TTC28: variants seen among roughly 807,000 people sequenced by gnomAD.
TTC28 encodes the protein tetratricopeptide repeat domain 28, also known as tetratricopeptide repeat protein 28.
In TTC28, 61 loss-of-function variants were observed where a neutral mutation model predicts 198.0. That is an observed-to-expected ratio of 0.31 (90% CI 0.25 to 0.38). The LOEUF is 0.38. Ranked by LOEUF, TTC28 falls within the 10% of genes least tolerant of loss-of-function variation. TTC28 has a pLI of 1.00. For synonymous variants in TTC28, 1,171 were observed against 1,297.8 expected (o/e 0.90, Z 2.10); for missense variants, 2,678 against 3,164.0 (o/e 0.85, Z 3.69).
At chr22:28,384,690 T>C (rs762580983) in intron 2 of TTC28, among the ~76,000 whole-genome samples, 1 of 152,156 alleles carries the variant, frequency 6.6e-6, no homozygotes, top group Non-Finnish European at 1.5e-5. Context: ...TTCTTTCAAG[T>C]CTATAACTAA....
In TTC28 at chr22:28,598,816, T is replaced by C. The variant is rs189636537; in HGVS notation, c.381+30736A>G. 1.7e-3 allele frequency among the ~76,000 whole-genome samples: 262 copies of C among 152,240 alleles called. 2 individuals are homozygous for C. Among genetic ancestry groups the C allele is most frequent in the African/African-American group, 6.1e-3 (255 of 41,558 alleles). On this transcript the variant is annotated intron_variant, in intron 2 of 22. Transcript: ENST00000397906. ...AAAATATAAATCTACACACTACATA[T>C]AACAAGAATGACAAGGGAGTACACT...
At chr22:28,016,392 G>A (rs996493324) in intron 13 of TTC28, among the ~76,000 whole-genome samples, 5 of 152,216 alleles carry the variant, frequency 3.3e-5, no homozygotes, top group East Asian at 1.9e-4. Flanking sequence ...TGTCTGTCAC[G>A]GCACTGTTGG....
chr22:27,991,607 T>C (rs1035813072), intron 19 of TTC28, among the ~76,000 whole-genome samples: 1 of 152,182 alleles, frequency 6.6e-6, no homozygotes, highest in Non-Finnish European at 1.5e-5. Flanking sequence ...CTGGCAAATA[T>C]CTCTAATAAC....
intron 10 of TTC28, among the ~76,000 whole-genome samples, chr22:28,098,619 C>T (rs950950762): frequency 2.0e-5 from 3 of 151,890 alleles, no homozygotes; most frequent in Non-Finnish European, 4.4e-5. Flanking sequence ...CCAATCAGCA[C>T]TGTACTGGAC....
intron 14 of TTC28, among the ~76,000 whole-genome samples, chr22:28,012,361 G>A (rs1450483321): frequency 6.6e-6 from 1 of 152,202 alleles, no homozygotes; most frequent in Non-Finnish European, 1.5e-5. Context: ...GTGCATGCAA[G>A]GATGTGATCG....
At chr22:28,243,448 T>A (rs1929839163) in intron 5 of TTC28, among the ~76,000 whole-genome samples, 1 of 151,426 alleles carries the variant, frequency 6.6e-6, no homozygotes, top group Non-Finnish European at 1.5e-5. Context: ...TTTCTGTGTG[T>A]TTTTATTTGT....
chr22:28,653,279 G>A (rs1052329974), intron 1 of TTC28, among the ~76,000 whole-genome samples: 3 of 152,166 alleles, frequency 2.0e-5, no homozygotes, highest in Non-Finnish European at 4.4e-5. Context: ...CAAGGCAGGT[G>A]GATCACTTGA....
rs576734458 is a variant in TTC28 at position 28,328,512 on chromosome 22, G to A, written c.382-21869C>T. 2.6e-5 allele frequency among the ~76,000 whole-genome samples: 4 copies of A among 152,068 alleles called. No homozygotes were observed. The East Asian group carries it at 7.7e-4, about 29-fold the overall frequency. On this transcript the variant is annotated intron_variant, in intron 2 of 22. Coordinates refer to ENST00000397906, the MANE Select transcript of TTC28 (RefSeq NM_001145418.2). ...CTCACGTCTGTAATCCTAGCACTCTGGGAGGCCGAGGCGGGTGGATCACCC... is the reference window on the plus strand; with the variant it reads ...CTCACGTCTGTAATCCTAGCACTCTAGGAGGCCGAGGCGGGTGGATCACCC...
intron 5 of TTC28, among the ~76,000 whole-genome samples, chr22:28,282,887 C>T (rs2044611599): frequency 6.6e-6 from 1 of 152,192 alleles, no homozygotes; most frequent in Admixed American, 6.5e-5. Context: ...GATTTGCAAA[C>T]ATTATCATAC....
At chr22:28,114,014 G>A (rs1426387317) in intron 6 of TTC28, among the ~76,000 whole-genome samples, 1 of 152,226 alleles carries the variant, frequency 6.6e-6, no homozygotes, top group Non-Finnish European at 1.5e-5. Flanking sequence ...AGCCTCTGTA[G>A]CTGCACCAGC....
intron 6 of TTC28, among the ~76,000 whole-genome samples, chr22:28,114,371 A>G (rs1037161492): frequency 3.3e-5 from 5 of 152,296 alleles, no homozygotes; most frequent in Admixed American, 6.5e-5. Context: ...TGTACTTAAA[A>G]TATTGCAAAG....
intron 2 of TTC28, among the ~76,000 whole-genome samples, chr22:28,533,132 T>C (rs902173856): frequency 2.0e-5 from 3 of 152,174 alleles, no homozygotes; most frequent in Non-Finnish European, 2.9e-5. Context: ...TGTTTGTAGA[T>C]GACATGGTTG....
chr22:28,143,201 A>AG (rs1347939854), intron 6 of TTC28, among the ~76,000 whole-genome samples: 1 of 152,210 alleles, frequency 6.6e-6, no homozygotes, highest in Non-Finnish European at 1.5e-5. Flanking sequence ...AGAGCATGGT[A>AG]GGGGCTCAAA....
chr22:28,239,970 A>G (rs1408783885), intron 5 of TTC28, among the ~76,000 whole-genome samples: 1 of 152,170 alleles, frequency 6.6e-6, no homozygotes, highest in Non-Finnish European at 1.5e-5. Flanking sequence ...GGGAATAAAT[A>G]ATTGTTTGTT....
At chr22:28,632,683 A>T (rs978169712) in intron 1 of TTC28, among the ~76,000 whole-genome samples, 2 of 152,052 alleles carry the variant, frequency 1.3e-5, no homozygotes, top group African/African-American at 2.4e-5. Context: ...TGTATCTGAA[A>T]ATTCAGGGGC....
intron 2 of TTC28, among the ~76,000 whole-genome samples, chr22:28,452,243 A>G (rs1293868824): frequency 6.6e-6 from 1 of 151,980 alleles, no homozygotes; most frequent in African/African-American, 2.4e-5. Context: ...CAAAAAAATT[A>G]GCTGGGCATG....
At chr22:28,181,281 C>A (rs1027366985) in intron 5 of TTC28, among the ~76,000 whole-genome samples, 1 of 152,110 alleles carries the variant, frequency 6.6e-6, no homozygotes. Context: ...GTTTTCAAAT[C>A]AAGAATCTGT....
chr22:28,139,184 C>A (rs1447046832), intron 6 of TTC28, among the ~76,000 whole-genome samples: 1 of 152,280 alleles, frequency 6.6e-6, no homozygotes, highest in African/African-American at 2.4e-5. Context: ...AATCCTGAGT[C>A]TCGAAAGGCC....
At chr22:28,248,391 G>A (rs9620779) in intron 5 of TTC28, among the ~76,000 whole-genome samples, 12,578 of 152,150 alleles carry the variant, frequency 0.083, 624 homozygotes, top group Non-Finnish European at 0.096. Context: ...GGAAAAATAA[G>A]AGTTAATTCC....
Sources: allele counts gnomAD v4.1 joint callset (sites outside exome capture counted in the v4.1 genomes callset), GRCh38; gene constraint gnomAD v4.1.1; transcripts MANE v1.5; gene names NCBI Gene and HGNC (gene_info 2026-07-23, HGNC 2026-07-21).